Variants in SETD5 observed in about 807,000 individuals in gnomAD.
SETD5 encodes histone-lysine N-methyltransferase SETD5.
Under a neutral mutation model 153.3 loss-of-function variants are expected in SETD5, and 44 were observed. The ratio of observed to expected loss-of-function variants is 0.29; its 90% confidence interval spans 0.23 to 0.37. SETD5 has a LOEUF of 0.37. SETD5 is among the 10% of genes least tolerant of loss of function. SETD5 has a pLI of 1.00. For synonymous variants in SETD5, 716 were observed against 645.2 expected, an observed-to-expected ratio of 1.11 and a Z score of -1.66; for missense variants, 1,544 against 1,768.0, an observed-to-expected ratio of 0.87 and a Z score of 2.27.
intron 19 of SETD5, among the ~76,000 whole-genome samples, chr3:9,471,212 G>A (rs1167288695): frequency 3.9e-5 from 6 of 152,182 alleles, no homozygotes; most frequent in Admixed American, 1.3e-4. Flanking sequence ...TCCCAAGTTC[G>A]AGGCACTGTA....
intron 1 of SETD5, among the ~76,000 whole-genome samples, chr3:9,412,415 T>TTTTTTTTA (rs2036737961): frequency 7.5e-6 from 1 of 133,918 alleles, no homozygotes; most frequent in Non-Finnish European, 1.6e-5. Context: ...TTTTTTTTTT[T>TTTTTTTTA]TTAAAGAGAC....
At position 9,447,740 on chromosome 3, in the gene SETD5, C is replaced by G. The variant is rs764281894; in HGVS notation, c.1837C>G (p.Pro613Ala). The G allele has an allele frequency of 7.4e-6, 12 of 1,613,850 alleles. No homozygotes were observed. Among genetic ancestry groups the G allele is most frequent in the Admixed American group, 1.7e-5 (1 of 59,996 alleles). The change falls in exon 15 of 23, where the codon CCC becomes GCC. Residue 613 changes from proline (P) to alanine (A), a missense_variant. Physicochemically the swap from Pro to Ala is conservative, Grantham distance 27. This residue lies in a region of SETD5 where 782 missense variants were observed against 787.2 expected (regional missense o/e 0.99). Coordinates refer to ENST00000402198, the MANE Select transcript of SETD5 (RefSeq NM_001080517.3). ...GCCACCTCCAGCAAAGCCTTCTAGG[C>G]CCCGGCCGAAGAGTCGAATTTCTCG... ...PKPPPAKPSR[P>A]RPKSRISRYR...
At chr3:9,432,089 C>T (rs1346333565) in intron 3 of SETD5, among the ~76,000 whole-genome samples, 1 of 152,052 alleles carries the variant, frequency 6.6e-6, no homozygotes, top group Non-Finnish European at 1.5e-5. Flanking sequence ...TTTCCTAATA[C>T]TCAGAGATGA....
chr3:9,436,953 C>G, intron 7 of SETD5: 1 of 1,418,412 alleles, frequency 7.1e-7, no homozygotes, highest in Non-Finnish European at 9.7e-7. Flanking sequence ...TGGTCAGCTT[C>G]TTTCCTGACA....
At chr3:9,459,354 A>G (rs913079427) in intron 17 of SETD5, among the ~76,000 whole-genome samples, 7 of 152,188 alleles carry the variant, frequency 4.6e-5, no homozygotes, top group Admixed American at 4.6e-4. Flanking sequence ...ATCATATACT[A>G]TTTATTGAAA....
intron 16 of SETD5, among the ~76,000 whole-genome samples, chr3:9,452,199 G>A (rs1284455392): frequency 6.6e-6 from 1 of 152,114 alleles, no homozygotes; most frequent in Non-Finnish European, 1.5e-5. Context: ...TATTTTACAA[G>A]TACATCTACT....
chr3:9,467,198 T>C (rs1180392055), intron 18 of SETD5, among the ~76,000 whole-genome samples: 6 of 45,682 alleles, frequency 1.3e-4, no homozygotes, highest in African/African-American at 5.1e-4. Flanking sequence ...AGACTCTCTC[T>C]CAAAAAAAAA....
intron 6 of SETD5, among the ~76,000 whole-genome samples, chr3:9,435,201 C>T (rs1333969485): frequency 6.7e-6 from 1 of 149,320 alleles, no homozygotes; most frequent in Non-Finnish European, 1.5e-5. Flanking sequence ...TGAGATTGCG[C>T]CAGTGCACTC....
At chr3:9,449,113 A>G (rs1033932700) in intron 16 of SETD5, among the ~76,000 whole-genome samples, 3 of 152,206 alleles carry the variant, frequency 2.0e-5, no homozygotes, top group Non-Finnish European at 2.9e-5. Flanking sequence ...TAGAGGAAAA[A>G]TCCTATTGTA....
chr3:9,472,157 A>G (rs553398473), intron 19 of SETD5, among the ~76,000 whole-genome samples: 1 of 152,302 alleles, frequency 6.6e-6, no homozygotes, highest in Admixed American at 6.5e-5. Context: ...ACTATGTGCA[A>G]AAGTCATAGA....
At chr3:9,401,324 G>C (rs1457811695) in intron 1 of SETD5, among the ~76,000 whole-genome samples, 1 of 152,126 alleles carries the variant, frequency 6.6e-6, no homozygotes, top group Non-Finnish European at 1.5e-5. Flanking sequence ...TTACTCTGTG[G>C]CTTAAGTTGC....
chr3:9,461,770 T>G (rs2043979493), intron 17 of SETD5, among the ~76,000 whole-genome samples: 1 of 152,184 alleles, frequency 6.6e-6, no homozygotes, highest in Admixed American at 6.5e-5. Flanking sequence ...TACAACTAAC[T>G]TCATCACTTA....
Position 9,475,791 on chromosome 3 carries a change from T to G in SETD5, c.4029T>G (p.Ser1343Arg). The change falls in exon 23 of 23, where the codon AGT becomes AGG. Residue 1343 changes from serine to arginine, a missense_variant. Ser to Arg is a moderately radical substitution (Grantham distance 110, BLOSUM62 -1). Coordinates refer to ENST00000402198, the MANE Select transcript of SETD5 (RefSeq NM_001080517.3). ...TTCCAAGGAGGAGCTGCCCTTCTAG[T>G]GCTGCTAGCCCTACCCTGCAGGGAC... ...SNLPRRSCPS[S>R]AASPTLQGPS... 1 of 1,614,028 alleles carries G rather than the reference T, an allele frequency of 6.2e-7. No homozygotes were observed. Among genetic ancestry groups the G allele is most frequent in the African/African-American group, 1.3e-5 (1 of 75,062 alleles).
intron 21 of SETD5, chr3:9,474,790 C>T: frequency 1.5e-6 from 1 of 672,764 alleles, no homozygotes; most frequent in Non-Finnish European, 2.4e-6. Context: ...CTTTTTTCCC[C>T]AAGGAATACC....
intron 3 of SETD5, 186 bp downstream of exon 3, chr3:9,429,195 AG>A (rs2125046836): frequency 2.7e-6 from 1 of 375,934 alleles, no homozygotes; most frequent in South Asian, 5.9e-5. Context: ...AGGGGAAGGA[AG>A]AGTTTTCAGA....
At chr3:9,438,206 G>A (rs923061937) in intron 7 of SETD5, among the ~76,000 whole-genome samples, 2 of 152,156 alleles carry the variant, frequency 1.3e-5, no homozygotes, top group Admixed American at 6.5e-5. Flanking sequence ...CAGAGGCCTG[G>A]GATGTGTCTT....
chr3:9,412,877 G>A (rs2036819113), intron 1 of SETD5, among the ~76,000 whole-genome samples: 1 of 150,608 alleles, frequency 6.6e-6, no homozygotes, highest in Admixed American at 6.6e-5. Flanking sequence ...TGAATAAATG[G>A]ACTTCTTTAT....
chr3:9,454,738 G>T (rs1360413059), intron 17 of SETD5, among the ~76,000 whole-genome samples: 2 of 147,586 alleles, frequency 1.4e-5, no homozygotes, highest in African/African-American at 5.0e-5. Context: ...CATTGGTTTT[G>T]ACAGTGACTT....
At chr3:9,431,427 T>A in intron 3 of SETD5, 1 of 965,812 alleles carries the variant, frequency 1.0e-6, no homozygotes, top group East Asian at 1.1e-4. Context: ...GAGATGTAAT[T>A]CCATTATTCC....
Sources: gnomAD v4.1 joint callset for allele counts (sites outside exome capture counted in the v4.1 genomes callset) on GRCh38, gnomAD v4.1.1 for gene constraint, gnomAD v4.1.1 regional missense constraint, MANE v1.5 for transcripts, NCBI Gene and HGNC (gene_info 2026-07-23, HGNC 2026-07-21) for gene names.